The following MAST4 variants were observed in gnomAD, a reference collection of about 807,000 sequenced individuals.
The protein encoded by MAST4 is microtubule-associated serine/threonine-protein kinase 4.
Under a neutral mutation model 162.7 loss-of-function variants are expected in MAST4, and 89 were observed. That is an observed-to-expected ratio of 0.55 (90% CI 0.46 to 0.65). The LOEUF (loss-of-function observed/expected upper bound fraction) is 0.65, where lower values mean the gene tolerates loss of function less well. Ranked by LOEUF, MAST4 falls within the 30% of genes least tolerant of loss-of-function variation. MAST4 has a pLI of 0.00. For missense variants in MAST4, 3,153 were observed against 3,374.0 expected, an observed-to-expected ratio of 0.93 and a Z score of 1.62; for synonymous variants, 1,479 against 1,361.1, an observed-to-expected ratio of 1.09 and a Z score of -1.91.
chr5:67,078,933 T>TATATA (rs1762247861), intron 5 of MAST4, among the ~76,000 whole-genome samples: 1 of 97,168 alleles, frequency 1.0e-5, no homozygotes, highest in Non-Finnish European at 1.9e-5. Context: ...TATATATATA[T>TATATA]ATATATATAT....
intron 4 of MAST4, among the ~76,000 whole-genome samples, chr5:66,932,202 C>A (rs572489120): frequency 2.0e-5 from 3 of 152,264 alleles, no homozygotes; most frequent in Admixed American, 2.0e-4. Flanking sequence ...CAGAAACATG[C>A]CAAAACCTTA....
chr5:66,751,781 G>T (rs1753190129), intron 1 of MAST4, among the ~76,000 whole-genome samples: 1 of 149,540 alleles, frequency 6.7e-6, no homozygotes, highest in African/African-American at 2.5e-5. Flanking sequence ...TCAGATTCAG[G>T]AAATACAGAG....
chr5:66,788,633 C>G (rs1294840307), intron 2 of MAST4, 37 bp from the exon 3 acceptor site: 1 of 1,578,494 alleles, frequency 6.3e-7, no homozygotes, highest in South Asian at 1.1e-5. Flanking sequence ...CTACCGGCTG[C>G]CTGTCACTTA....
At chr5:67,106,792 A>G (rs1250942660) in intron 10 of MAST4, among the ~76,000 whole-genome samples, 1 of 152,194 alleles carries the variant, frequency 6.6e-6, no homozygotes, top group Non-Finnish European at 1.5e-5. Flanking sequence ...CTTTACCAGC[A>G]GACAGGGGGC....
intron 5 of MAST4, among the ~76,000 whole-genome samples, chr5:67,062,143 T>A (rs922001440): frequency 1.3e-5 from 2 of 152,190 alleles, no homozygotes; most frequent in African/African-American, 4.8e-5. Flanking sequence ...GGCTCACGCC[T>A]GTAATCCAAG....
chr5:66,817,054 A>T (rs1324209071), intron 3 of MAST4, among the ~76,000 whole-genome samples: 1 of 151,828 alleles, frequency 6.6e-6, no homozygotes, highest in Non-Finnish European at 1.5e-5. Context: ...CCCCACCAGC[A>T]CCTGGAGTAT....
intron 1 of MAST4, among the ~76,000 whole-genome samples, chr5:66,751,425 T>A (rs1213794096): frequency 6.6e-6 from 1 of 152,018 alleles, no homozygotes; most frequent in Middle Eastern, 3.2e-3. Flanking sequence ...ATAACTAGAA[T>A]AACCAATACA....
At chr5:66,821,608 AT>A (rs1757000254) in intron 3 of MAST4, among the ~76,000 whole-genome samples, 1 of 152,224 alleles carries the variant, frequency 6.6e-6, no homozygotes, top group African/African-American at 2.4e-5. Flanking sequence ...TATGGCATTA[AT>A]TTTATATGGT....
rs189824972 is a variant in MAST4 at position 67,007,329 on chromosome 5, C to T, written c.675-47075C>T. Among the ~76,000 whole-genome samples the T allele has an allele frequency of 1.6e-4, 24 of 152,246 alleles. No homozygotes were observed. In the East Asian group the frequency reaches 4.1e-3, roughly 26 times the overall value. On this transcript the variant is annotated intron_variant, in intron 4 of 28. Coordinates refer to ENST00000403625, the MANE Select transcript of MAST4 (RefSeq NM_001164664.2). ...CTCCTTTCCAAAGGACCTTTCTGTT[C>T]GCAAGTTGTTCTGTTTTGCCATCCT...
chr5:66,775,626 T>C (rs1754563810), intron 2 of MAST4, among the ~76,000 whole-genome samples: 1 of 152,160 alleles, frequency 6.6e-6, no homozygotes, highest in African/African-American at 2.4e-5. Context: ...TTTAATTCAG[T>C]GTGCAGGGTT....
chr5:66,940,210 A>G (rs1382651226), intron 4 of MAST4, among the ~76,000 whole-genome samples: 2 of 152,080 alleles, frequency 1.3e-5, no homozygotes, highest in Non-Finnish European at 2.9e-5. Context: ...TTGCTGCTGG[A>G]GGGTCTTGCC....
intron 3 of MAST4, among the ~76,000 whole-genome samples, chr5:66,896,025 C>A (rs143826299): frequency 2.6e-5 from 4 of 152,298 alleles, no homozygotes; most frequent in Middle Eastern, 3.4e-3. Context: ...ATTTAGATAT[C>A]ACCAAGTTTT....
At chr5:66,624,959 A>T (rs1744328223) in intron 1 of MAST4, among the ~76,000 whole-genome samples, 1 of 152,276 alleles carries the variant, frequency 6.6e-6, no homozygotes, top group Admixed American at 6.5e-5. Flanking sequence ...TTTTTTGGAT[A>T]TAGCAACAAA....
Position 66,596,801 on chromosome 5 carries a change from C to G in MAST4, c.146C>G (p.Ser49Trp), listed in dbSNP as rs1742206041. Reference sequence around the variant, plus strand: ...TCCTCCTCGGGCTCAGAAACTCTGTCGGAGGAAGGGGAGCCCGGCGGCTTC... The same window carrying G: ...TCCTCCTCGGGCTCAGAAACTCTGTGGGAGGAAGGGGAGCCCGGCGGCTTC... ...AESSSGSETL[S>W]EEGEPGGFSR... Residue 49 changes from serine to tryptophan, a missense_variant, in exon 1 of 29, where the codon TCG (serine) becomes TGG (tryptophan). By Grantham distance (177) the Ser-to-Trp change is radical. Coordinates refer to ENST00000403625, the MANE Select transcript of MAST4 (RefSeq NM_001164664.2). 4 of 1,316,038 alleles carry G rather than the reference C, an allele frequency of 3.0e-6. No homozygotes were observed. The highest frequency in any genetic ancestry group is 3.2e-5 in the East Asian group (1 of 31,692). 81.5% of individuals were successfully genotyped at this position (1,316,038 alleles called of 1,614,324 possible).
At chr5:66,985,474 C>T (rs762771790) in intron 4 of MAST4, among the ~76,000 whole-genome samples, 8 of 152,174 alleles carry the variant, frequency 5.3e-5, no homozygotes, top group Non-Finnish European at 7.3e-5. Context: ...TTGAAAGGTA[C>T]GGAAGAACTT....
At chr5:66,823,396 ACTTATGTG>A (rs1757087867) in intron 3 of MAST4, among the ~76,000 whole-genome samples, 3 of 152,126 alleles carry the variant, frequency 2.0e-5, no homozygotes, top group Non-Finnish European at 2.9e-5. Flanking sequence ...ATGGTTCTTC[ACTTATGTG>A]GTGAGGATTT....
chr5:67,046,799 AT>A (rs1554086961), intron 4 of MAST4, among the ~76,000 whole-genome samples: 2 of 151,810 alleles, frequency 1.3e-5, no homozygotes, highest in South Asian at 2.1e-4. Context: ...ATTAGCCTAA[AT>A]TTTTTTTTGT....
At chr5:66,819,192 A>C (rs1310072528) in intron 3 of MAST4, among the ~76,000 whole-genome samples, 2 of 152,182 alleles carry the variant, frequency 1.3e-5, no homozygotes, top group Non-Finnish European at 2.9e-5. Context: ...GTCAAACCAA[A>C]TGCAGGGACT....
At chr5:66,838,934 T>C (rs761360165) in intron 3 of MAST4, among the ~76,000 whole-genome samples, 1 of 152,208 alleles carries the variant, frequency 6.6e-6, no homozygotes, top group Non-Finnish European at 1.5e-5. Context: ...AGAAATATTT[T>C]ATCAACTGTG....
Sources: allele counts gnomAD v4.1 joint callset (sites outside exome capture counted in the v4.1 genomes callset), GRCh38; gene constraint gnomAD v4.1.1; transcripts MANE v1.5; gene names NCBI Gene and HGNC (gene_info 2026-07-23, HGNC 2026-07-21).